MEGF10: variants seen among roughly 807,000 people sequenced by gnomAD.
MEGF10 encodes the protein multiple epidermal growth factor-like domains protein 10.
MEGF10 carries 86 observed loss-of-function variants against 147.5 expected under a neutral mutation model. The observed-to-expected ratio is 0.58, with a 90% CI of 0.49 to 0.70. MEGF10 has a LOEUF of 0.70. MEGF10 is among the 30% of genes least tolerant of loss of function. The pLI is 0.00. For missense variants in MEGF10, 1,329 were observed against 1,487.3 expected, an observed-to-expected ratio of 0.89 and a Z score of 1.75; for synonymous variants, 478 against 525.5, an observed-to-expected ratio of 0.91 and a Z score of 1.24.
At chr5:127,446,205 T>C (rs969422704) in intron 20 of MEGF10, among the ~76,000 whole-genome samples, 2 of 152,146 alleles carry the variant, frequency 1.3e-5, no homozygotes, top group African/African-American at 4.8e-5. Context: ...TTAAGAAAAC[T>C]CTTGATTTTT....
At chr5:127,332,410 G>A (rs1761296760) in intron 2 of MEGF10, among the ~76,000 whole-genome samples, 1 of 152,124 alleles carries the variant, frequency 6.6e-6, no homozygotes, top group African/African-American at 2.4e-5. Context: ...AAACCACAGA[G>A]CACACATTCT....
chr5:127,448,504 T>C (rs1265655841), intron 21 of MEGF10, among the ~76,000 whole-genome samples: 1 of 152,184 alleles, frequency 6.6e-6, no homozygotes, highest in African/African-American at 2.4e-5. Context: ...TAATCTCTGT[T>C]GTCTAATTCC....
the MEGF10 span, among the ~76,000 whole-genome samples, chr5:127,240,425 G>C: frequency 6.6e-6 from 1 of 152,130 alleles, no homozygotes; most frequent in Admixed American, 6.5e-5. Context: ...TGTATCCATA[G>C]AAGGTGCTTG....
intron 6 of MEGF10, among the ~76,000 whole-genome samples, chr5:127,397,454 C>G (rs1763961865): frequency 6.6e-6 from 1 of 152,124 alleles, no homozygotes; most frequent in Non-Finnish European, 1.5e-5. Flanking sequence ...CAGTTCACTT[C>G]TATTCACCAA....
intron 4 of MEGF10, among the ~76,000 whole-genome samples, chr5:127,349,918 C>A (rs1490986997): frequency 6.6e-6 from 1 of 152,066 alleles, no homozygotes; most frequent in East Asian, 1.9e-4. Context: ...TTGTGCATAT[C>A]TTTGGTCATT....
chr5:127,379,227 CTT>C (rs1378796236), intron 5 of MEGF10, among the ~76,000 whole-genome samples: 1 of 152,164 alleles, frequency 6.6e-6, no homozygotes, highest in East Asian at 1.9e-4. Context: ...GCGGTAGTCT[CTT>C]TGCTGGTTTC....
chr5:127,367,507 A>G (rs1412568704), intron 4 of MEGF10, among the ~76,000 whole-genome samples: 2 of 152,178 alleles, frequency 1.3e-5, no homozygotes, highest in South Asian at 2.1e-4. Context: ...CATTTATAAC[A>G]TTTCTTTAGT....
intron 1 of MEGF10, among the ~76,000 whole-genome samples, chr5:127,315,095 T>G (rs2126748162): frequency 6.6e-6 from 1 of 152,150 alleles, no homozygotes; most frequent in Non-Finnish European, 1.5e-5. Context: ...ACAGAAGAGA[T>G]TAAGGAAAAT....
At chr5:127,374,869 T>G (rs1011078224) in intron 5 of MEGF10, among the ~76,000 whole-genome samples, 7 of 152,208 alleles carry the variant, frequency 4.6e-5, no homozygotes, top group African/African-American at 1.7e-4. Flanking sequence ...CTCTTCTACT[T>G]CCCATCCCAT....
chr5:127,420,711 C>A (rs1764963813), intron 12 of MEGF10, among the ~76,000 whole-genome samples: 1 of 152,112 alleles, frequency 6.6e-6, no homozygotes, highest in Non-Finnish European at 1.5e-5. Context: ...TAAGATGTCC[C>A]TATAGCTCAC....
At chr5:127,276,273 C>T in the MEGF10 span, among the ~76,000 whole-genome samples, 3 of 152,302 alleles carry the variant, frequency 2.0e-5, no homozygotes, top group East Asian at 5.8e-4. Flanking sequence ...ACATCATGAC[C>T]ATTTAAGGCT....
intron 22 of MEGF10, among the ~76,000 whole-genome samples, chr5:127,452,871 G>A (rs929966190): frequency 7.2e-5 from 11 of 152,062 alleles, no homozygotes; most frequent in African/African-American, 2.2e-4. Flanking sequence ...CTGCATAACC[G>A]TGTGCCCTTC....
chr5:127,423,175 A>G (rs532183310), intron 13 of MEGF10, among the ~76,000 whole-genome samples: 5 of 152,252 alleles, frequency 3.3e-5, no homozygotes, highest in Admixed American at 6.5e-5. Flanking sequence ...ATGCATATGC[A>G]TATTATTGTA....
Position 127,417,762 on chromosome 5 carries a change from G to A in MEGF10, c.1255G>A (p.Ala419Thr). The change falls in exon 10 of 25, where the codon GCA (alanine) becomes ACA (threonine). Residue 419 changes from alanine (A) to threonine (T), a missense_variant. By Grantham distance (58) the Ala-to-Thr change is moderately conservative. Transcript: ENST00000503335. Reference protein sequence around the residue: ...CQQICSCQNGADCDSVTGKCT... With the variant: ...CQQICSCQNGTDCDSVTGKCT... ...GCAGATCTGCAGCTGCCAAAATGGG[G>A]CAGACTGTGACAGTGTGACTGGAAA... 1.2e-6 allele frequency: 2 copies of A among 1,614,098 alleles called. No individual in the cohort carries two copies. Among genetic ancestry groups the A allele is most frequent in the East Asian group, 2.2e-5 (1 of 44,884 alleles).
At chr5:127,270,854 G>C in the MEGF10 span, among the ~76,000 whole-genome samples, 547 of 152,262 alleles carry the variant, frequency 3.6e-3, 2 homozygotes, top group African/African-American at 0.012. Context: ...GTTTGCTAAG[G>C]ATAATGGCCT....
At chr5:127,393,721 T>C (rs1193395862) in intron 5 of MEGF10, among the ~76,000 whole-genome samples, 1 of 152,246 alleles carries the variant, frequency 6.6e-6, no homozygotes, top group South Asian at 2.1e-4. Context: ...TGATAATATT[T>C]CTTGAAAAGC....
chr5:127,369,221 T>C (rs552766273), intron 4 of MEGF10, among the ~76,000 whole-genome samples: 5 of 152,314 alleles, frequency 3.3e-5, no homozygotes, highest in African/African-American at 1.2e-4. Context: ...CACAGCATAT[T>C]TTAATGCCTA....
At chr5:127,396,479 A>C in intron 5 of MEGF10, 53 bp from the exon 6 acceptor site, 5 of 1,478,280 alleles carry the variant, frequency 3.4e-6, no homozygotes, top group Admixed American at 2.4e-5. Flanking sequence ...GAGGCGAAGA[A>C]ATCTGGTTCT....
chr5:127,434,937 T>A (rs1002325970), intron 15 of MEGF10, 116 bp downstream of exon 15: 17 of 1,230,046 alleles, frequency 1.4e-5, no homozygotes, highest in Non-Finnish European at 1.4e-5. Flanking sequence ...CTGCTGGGAA[T>A]GTCTTCTGCT....
Sources: allele counts gnomAD v4.1 joint callset (sites outside exome capture counted in the v4.1 genomes callset), GRCh38; gene constraint gnomAD v4.1.1; transcripts MANE v1.5; gene names NCBI Gene and HGNC (gene_info 2026-07-23, HGNC 2026-07-21).